Variants in ADAMTSL4 observed in about 807,000 individuals in gnomAD.
ADAMTSL4 encodes the protein ADAMTS-like protein 4.
In ADAMTSL4, 97 loss-of-function variants were observed where a neutral mutation model predicts 122.8. The observed-to-expected ratio is 0.79, with a 90% CI of 0.67 to 0.93. ADAMTSL4 has a LOEUF of 0.93. ADAMTSL4 is among the 40% of genes least tolerant of loss of function. The pLI, the probability that ADAMTSL4 is intolerant of heterozygous loss-of-function variation, is 0.00. For synonymous variants in ADAMTSL4, 592 were observed against 568.0 expected, an observed-to-expected ratio of 1.04 and a Z score of -0.60; for missense variants, 1,408 against 1,453.5, an observed-to-expected ratio of 0.97 and a Z score of 0.51.
Position 150,549,957 on chromosome 1 carries a change from C to A in ADAMTSL4, c.-85+62C>A. The stretch of plus-strand genomic sequence containing the variant: ...AGAGGTTGACAAAAAAGAAAGACAC[C>A]TGTTGGGGTGGCCTGCCAGACCCAG... On this transcript the variant is annotated intron_variant, in intron 2 of 18. Coordinates refer to ENST00000271643, the MANE Select transcript of ADAMTSL4 (RefSeq NM_019032.6). The surrounding 1 kb of genome is among the most constrained non-coding windows in gnomAD (Gnocchi z 5.0). The A allele has an allele frequency of 4.1e-6, 1 of 246,724 alleles. No homozygotes were observed. Among genetic ancestry groups the A allele is most frequent in the South Asian group, 4.2e-5 (1 of 24,078 alleles). 15.3% of individuals were successfully genotyped at this position (246,724 alleles called of 1,614,324 possible). A position where few individuals can be genotyped will look rare whatever the true frequency, so the allele number is the denominator to read the frequency against.
In ADAMTSL4 at chr1:150,559,813, G is replaced by A. The variant is rs757703540; in HGVS notation, c.2996G>A (p.Ser999Asn). Residue 999 changes from serine to asparagine, a missense_variant, in exon 18 of 19, where the codon AGC (serine) becomes AAC (asparagine). By Grantham distance (46) the Ser-to-Asn change is conservative (BLOSUM62 1). Coordinates refer to ENST00000271643, the MANE Select transcript of ADAMTSL4 (RefSeq NM_019032.6). This position sits in a 1 kb window ranked among gnomAD's most constrained non-coding sequence, Gnocchi z 4.1. ...GTQTREVQCL[S>N]TNQTLSTRCP... ...CAGACACGGGAGGTCCAGTGCCTGA[G>A]CACCAACCAGACCCTCAGCACCCGA... The A allele has an allele frequency of 5.6e-6, 9 of 1,613,840 alleles. No homozygotes were observed.
At chr1:150,557,896 ACATCT>A (rs1672354195) in intron 13 of ADAMTSL4, 44 bp from the exon 14 acceptor site, 1 of 1,576,434 alleles carries the variant, frequency 6.3e-7, no homozygotes, top group Non-Finnish European at 8.6e-7. Flanking sequence ...GCAGCCCCAC[ACATCT>A]CATCTATGTC....
rs776511106 is a variant in ADAMTSL4 at position 150,557,977 on chromosome 1, G to A, written c.2210G>A (p.Arg737His). ...WEAGEWTSCSRSCGPGTQHRQ... is the reference protein window; with the variant it reads ...WEAGEWTSCSHSCGPGTQHRQ... ...GCTGGCGAGTGGACATCCTGCAGCC[G>A]CTCCTGTGGCCCCGGCACCCAGCAC... The change falls in exon 14 of 19, where the codon CGC becomes CAC. Residue 737 changes from arginine to histidine, a missense_variant. By Grantham distance (29) the Arg-to-His change is conservative. Coordinates refer to ENST00000271643, the MANE Select transcript of ADAMTSL4 (RefSeq NM_019032.6). 2.7e-5 allele frequency: 43 copies of A among 1,610,316 alleles called. No individual in the cohort carries two copies. In the South Asian group the frequency reaches 2.7e-4, roughly 10 times the overall value.
chr1:150,557,241 GCCCGC>G lies in ADAMTSL4; in HGVS notation c.1962_1966del (p.Pro655SerfsTer39), dbSNP rs753751975. The stretch of plus-strand genomic sequence containing the variant: ...AGCGTCAGGTGCGGATCCCCCAGAT[GCCCGC>G]CCCGCCCCATCCCAGGACACCCCTG... On this transcript the variant is annotated frameshift_variant, in exon 12 of 19. Transcript: ENST00000271643. LOFTEE classifies it high-confidence loss of function. The G allele has an allele frequency of 6.3e-7, 1 of 1,596,776 alleles. No individual in the cohort carries two copies. The highest frequency in any genetic ancestry group is 1.7e-5 in the Admixed American group (1 of 59,610).
chr1:150,553,787 ACG>A lies in ADAMTSL4; in HGVS notation c.798_799del (p.His267LeufsTer33). On this transcript the variant is annotated frameshift_variant, in exon 6 of 19. Coordinates refer to ENST00000271643, the MANE Select transcript of ADAMTSL4 (RefSeq NM_019032.6). LOFTEE classifies it high-confidence loss of function. The stretch of plus-strand genomic sequence containing the variant: ...CTCTGGCACAGAGCCCCCCTCACCC[ACG>A]CACTCCTTAGGAGAAGGTGGCTTCT... Reference protein sequence around the residue: ...QASGTEPPSPTHSLGEGGFFR... With the variant: ...QASGTEPPSPXHSLGEGGFFR... 2 of 1,613,090 alleles carry A rather than the reference ACG, an allele frequency of 1.2e-6. No homozygotes were observed. Among genetic ancestry groups the A allele is most frequent in the Non-Finnish European group, 1.7e-6 (2 of 1,179,746 alleles).
intron 2 of ADAMTSL4, chr1:150,551,353 C>T (rs1334450009): frequency 1.0e-5 from 3 of 297,736 alleles, no homozygotes; most frequent in Non-Finnish European, 2.0e-5. Context: ...TTAGCTTATC[C>T]CTTGGCCAAA....
chr1:150,554,637 G>T lies in ADAMTSL4; in HGVS notation c.1234+170G>T, dbSNP rs779474970. On this transcript the variant is annotated intron_variant, in intron 7 of 18. Transcript: ENST00000271643. The surrounding 1 kb of genome is among the most constrained non-coding windows in gnomAD (Gnocchi z 4.0). ...TGGGTCAGGAGACAGCACAGGTGGT[G>T]AGTGGTCTGCAGAAGGGTCGGGGTG... 1.3e-5 allele frequency: 20 copies of T among 1,542,194 alleles called. No homozygotes were observed. Among genetic ancestry groups the T allele is most frequent in the Non-Finnish European group, 1.7e-5 (20 of 1,146,944 alleles).
In ADAMTSL4 at chr1:150,559,841, CCCT is replaced by C. The variant is rs755998186; in HGVS notation, c.3029_3031del (p.Pro1010del). 53 of 1,613,928 alleles carry C rather than the reference CCCT, an allele frequency of 3.3e-5. No individual in the cohort carries two copies. The highest frequency in any genetic ancestry group is 4.5e-5 in the Non-Finnish European group (53 of 1,180,022). On this transcript the variant is annotated inframe_deletion, in exon 18 of 19. Coordinates refer to ENST00000271643, the MANE Select transcript of ADAMTSL4 (RefSeq NM_019032.6). The surrounding 1 kb of genome is among the most constrained non-coding windows in gnomAD (Gnocchi z 4.1). ...CCAACCAGACCCTCAGCACCCGATGCCCTCCTCAACTGCGGCCCTCCAGGAAGC... is the reference window on the plus strand; with the variant it reads ...CCAACCAGACCCTCAGCACCCGATGCCCTCAACTGCGGCCCTCCAGGAAGC...
chr1:150,558,764 T>C (rs1240247507), intron 15 of ADAMTSL4, 115 bp downstream of exon 15: 1 of 1,578,536 alleles, frequency 6.3e-7, no homozygotes, highest in Non-Finnish European at 8.6e-7. Flanking sequence ...GCTATATGCC[T>C]GACCCTGGGA....
Position 150,559,969 on chromosome 1 carries a change from G to T in ADAMTSL4, c.3088+64G>T. The T allele has an allele frequency of 1.9e-6, 3 of 1,613,840 alleles. No homozygotes were observed. In the Admixed American group the frequency reaches 5.0e-5, roughly 27 times the overall value. On this transcript the variant is annotated intron_variant, in intron 18 of 18. Coordinates refer to ENST00000271643, the MANE Select transcript of ADAMTSL4 (RefSeq NM_019032.6). The surrounding 1 kb of genome is among the most constrained non-coding windows in gnomAD (Gnocchi z 4.1). ...TTAGCTGAAGTATGGGAGGAGATGAGAAAGGACCAGTGGGAATGGGCAGCA... is the reference window on the plus strand; with the variant it reads ...TTAGCTGAAGTATGGGAGGAGATGATAAAGGACCAGTGGGAATGGGCAGCA...
intron 2 of ADAMTSL4, chr1:150,550,853 C>T (rs2101535829): frequency 2.2e-6 from 1 of 456,560 alleles, no homozygotes; most frequent in East Asian, 6.9e-5. Context: ...TCAGGGAGGG[C>T]AGTGGGGCTG....
At position 150,552,337 on chromosome 1, in the gene ADAMTSL4, G is replaced by C. The variant is rs769173185; in HGVS notation, c.20+29G>C. 1.9e-6 allele frequency: 3 copies of C among 1,553,498 alleles called. No individual in the cohort carries two copies. Among genetic ancestry groups the C allele is most frequent in the Non-Finnish European group, 8.7e-7 (1 of 1,146,858 alleles). On this transcript the variant is annotated intron_variant, in intron 3 of 18. Coordinates refer to ENST00000271643, the MANE Select transcript of ADAMTSL4 (RefSeq NM_019032.6). This position sits in a 1 kb window ranked among gnomAD's most constrained non-coding sequence, Gnocchi z 4.0. ...AGAGAAGGGGCCACGGGTTGGGGGGGAGGAAAAGGGGAGGTGCTGGGATGG... is the reference window on the plus strand; with the variant it reads ...AGAGAAGGGGCCACGGGTTGGGGGGCAGGAAAAGGGGAGGTGCTGGGATGG...
At chr1:150,558,418 G>A (rs1437887918) in intron 14 of ADAMTSL4, 55 bp from the exon 15 acceptor site, 3 of 1,607,752 alleles carry the variant, frequency 1.9e-6, no homozygotes, top group Non-Finnish European at 2.5e-6. Flanking sequence ...AGAGCTGGAA[G>A]CTGGCTGAGA....
chr1:150,554,173 C>A lies in ADAMTSL4; in HGVS notation c.1131+51C>A. The A allele has an allele frequency of 6.3e-7, 1 of 1,588,064 alleles. No homozygotes were observed. The highest frequency in any genetic ancestry group is 8.5e-7 in the Non-Finnish European group (1 of 1,171,924). ...CAACCCCGACCTCCAGTGTGGCTTC[C>A]CTGCCCTGAAGCTGGGTCTTCAGCT... On this transcript the variant is annotated intron_variant, in intron 6 of 18. Coordinates refer to ENST00000271643, the MANE Select transcript of ADAMTSL4 (RefSeq NM_019032.6). This position sits in a 1 kb window ranked among gnomAD's most constrained non-coding sequence, Gnocchi z 4.0.
intron 2 of ADAMTSL4, chr1:150,550,311 G>C (rs1415181709): frequency 2.2e-6 from 1 of 455,172 alleles, no homozygotes; most frequent in Non-Finnish European, 4.4e-6. Flanking sequence ...TTTCTGCAGA[G>C]GAGGGGGCAT....
chr1:150,558,871 G>A (rs587766196), intron 15 of ADAMTSL4, 91 bp from the exon 16 acceptor site: 364 of 1,539,322 alleles, frequency 2.4e-4, no homozygotes, highest in African/African-American at 1.7e-3. Flanking sequence ...CCCAGGATTC[G>A]GACCCAGGAT....
At position 150,556,278 on chromosome 1, in the gene ADAMTSL4, C is replaced by G; in HGVS notation, c.1488C>G (p.Gly496=). ...LVSGNLTDRG[G]PLGYQKILWI... ...CGGGGAACCTCACTGACCGAGGGGG[C>G]CCCCTGGGCTATCAGAAGATCTTGT... is the stretch of plus-strand genomic sequence containing the variant. Residue 496 remains glycine, a synonymous_variant, in exon 9 of 19, where the codon GGC becomes GGG. Coordinates refer to ENST00000271643, the MANE Select transcript of ADAMTSL4 (RefSeq NM_019032.6). The surrounding 1 kb of genome is among the most constrained non-coding windows in gnomAD (Gnocchi z 4.1). The G allele has an allele frequency of 6.2e-7, 1 of 1,614,102 alleles. No homozygotes were observed.
At position 150,552,643 on chromosome 1, in the gene ADAMTSL4, C is replaced by G; in HGVS notation, c.78+43C>G. 1.9e-6 allele frequency: 3 copies of G among 1,586,896 alleles called. No homozygotes were observed. Among genetic ancestry groups the G allele is most frequent in the Non-Finnish European group, 2.6e-6 (3 of 1,166,648 alleles). On this transcript the variant is annotated intron_variant, in intron 4 of 18. Transcript: ENST00000271643. The surrounding 1 kb of genome is among the most constrained non-coding windows in gnomAD (Gnocchi z 4.0). Reference sequence around the variant, plus strand: ...GAGCAGCTGCAGCCTGCCTGCCACCCTTTCATCTCCCCCTAGGCTCCCACC... The same window carrying G: ...GAGCAGCTGCAGCCTGCCTGCCACCGTTTCATCTCCCCCTAGGCTCCCACC...
chr1:150,551,001 T>C lies in ADAMTSL4; in HGVS notation c.-85+1106T>C, dbSNP rs933489344. On this transcript the variant is annotated intron_variant, in intron 2 of 18. Coordinates refer to ENST00000271643, the MANE Select transcript of ADAMTSL4 (RefSeq NM_019032.6). The stretch of plus-strand genomic sequence containing the variant: ...GATCCAACAGAAACAGATTTTTTTT[T>C]TCCTGGAAAGCAGAACTAAGAGTGG... 9 of 455,988 alleles carry C rather than the reference T, an allele frequency of 2.0e-5. No individual in the cohort carries two copies. The East Asian group carries it at 6.2e-4, about 32-fold the overall frequency. 28.2% of individuals were successfully genotyped at this position (455,988 alleles called of 1,614,324 possible). A position where few individuals can be genotyped will look rare whatever the true frequency, so the allele number is the denominator to read the frequency against.
Sources: allele counts gnomAD v4.1 joint callset, GRCh38; gene constraint gnomAD v4.1.1; non-coding constraint Gnocchi (gnomAD v3.1); transcripts MANE v1.5; gene names NCBI Gene and HGNC (gene_info 2026-07-23, HGNC 2026-07-21).